SH3GL3: variants seen among roughly 807,000 people sequenced by gnomAD.
SH3GL3 encodes SH3 domain containing GRB2 like 3, endophilin A3, also known as endophilin-A3.
A neutral mutation model predicts 47.7 loss-of-function variants in SH3GL3; 33 were observed. That is an observed-to-expected ratio of 0.69 (90% CI 0.52 to 0.92). The LOEUF is 0.92. Ranked by LOEUF, SH3GL3 falls within the 40% of genes least tolerant of loss-of-function variation. The pLI, the probability that SH3GL3 is intolerant of heterozygous loss-of-function variation, is 0.00. For synonymous variants in SH3GL3, 155 were observed against 148.8 expected (o/e 1.04, Z -0.30); for missense variants, 363 against 417.8 (o/e 0.87, Z 1.14).
intron 1 of SH3GL3, among the ~76,000 whole-genome samples, chr15:83,539,639 G>A (rs2044070838): frequency 6.6e-6 from 1 of 152,016 alleles, no homozygotes; most frequent in Non-Finnish European, 1.5e-5. Context: ...ATTTGAATGT[G>A]ATTCTTTGTC....
chr15:83,611,686 G>A (rs2060670405), intron 8 of SH3GL3: 1 of 152,420 alleles, frequency 6.6e-6, no homozygotes, highest in African/African-American at 2.4e-5. Flanking sequence ...TGTCAACAGG[G>A]ATGGGACGCT....
At chr15:83,474,713 A>G (rs2041014443) in intron 1 of SH3GL3, among the ~76,000 whole-genome samples, 1 of 152,130 alleles carries the variant, frequency 6.6e-6, no homozygotes, top group Non-Finnish European at 1.5e-5. Flanking sequence ...TGTAAACCTT[A>G]TTGGGAGGCA....
intron 1 of SH3GL3, among the ~76,000 whole-genome samples, chr15:83,551,881 T>C (rs777828095): frequency 2.0e-4 from 30 of 152,176 alleles, no homozygotes; most frequent in Non-Finnish European, 3.8e-4. Context: ...TACTGATCTA[T>C]TTGGACTCTC....
At chr15:83,557,621 G>A (rs2045028217) in intron 1 of SH3GL3, among the ~76,000 whole-genome samples, 1 of 152,230 alleles carries the variant, frequency 6.6e-6, no homozygotes, top group South Asian at 2.1e-4. Context: ...GGGTGGCTCT[G>A]ATTCTGGGGA....
intron 8 of SH3GL3, among the ~76,000 whole-genome samples, chr15:83,613,445 G>T (rs2060723722): frequency 6.6e-6 from 1 of 152,204 alleles, no homozygotes; most frequent in Non-Finnish European, 1.5e-5. Context: ...GAGTAATGCA[G>T]CTTTTCCATG....
intron 1 of SH3GL3, among the ~76,000 whole-genome samples, chr15:83,527,337 T>C (rs762510315): frequency 6.6e-6 from 1 of 152,218 alleles, no homozygotes; most frequent in Non-Finnish European, 1.5e-5. Flanking sequence ...TATTATTGTA[T>C]TGGAGTCTAA....
chr15:83,464,871 G>T (rs1189239278), intron 1 of SH3GL3, among the ~76,000 whole-genome samples: 1 of 151,916 alleles, frequency 6.6e-6, no homozygotes, highest in Admixed American at 6.6e-5. Flanking sequence ...TTTAAAAAAT[G>T]TATCTCGGGC....
intron 1 of SH3GL3, among the ~76,000 whole-genome samples, chr15:83,504,647 A>G (rs2042420849): frequency 6.6e-6 from 1 of 152,184 alleles, no homozygotes; most frequent in South Asian, 2.1e-4. Flanking sequence ...GAGGCCTGCC[A>G]ACAACCATGT....
At chr15:83,478,018 C>T (rs1403002712) in intron 1 of SH3GL3, among the ~76,000 whole-genome samples, 1 of 152,046 alleles carries the variant, frequency 6.6e-6, no homozygotes, top group Non-Finnish European at 1.5e-5. Flanking sequence ...TTTGGGGACA[C>T]TTTCAGCAGT....
At chr15:83,467,990 G>A (rs933427983) in intron 1 of SH3GL3, among the ~76,000 whole-genome samples, 1 of 152,048 alleles carries the variant, frequency 6.6e-6, no homozygotes, top group Non-Finnish European at 1.5e-5. Context: ...ACCACGCCCA[G>A]CTAATTTTCT....
At chr15:83,629,447 T>C in the SH3GL3 span, among the ~76,000 whole-genome samples, 1 of 152,188 alleles carries the variant, frequency 6.6e-6, no homozygotes, top group Non-Finnish European at 1.5e-5. Context: ...GGTAATTCAG[T>C]GGGGAAATAA....
At chr15:83,537,128 G>A (rs2043948183) in intron 1 of SH3GL3, among the ~76,000 whole-genome samples, 1 of 152,142 alleles carries the variant, frequency 6.6e-6, no homozygotes, top group Non-Finnish European at 1.5e-5. Context: ...GGGGGACTCA[G>A]GGAGGCTGGA....
intron 1 of SH3GL3, among the ~76,000 whole-genome samples, chr15:83,537,719 A>C (rs2151692872): frequency 6.6e-6 from 1 of 152,158 alleles, no homozygotes; most frequent in East Asian, 1.9e-4. Flanking sequence ...ATCAACTTTT[A>C]TCTTGGGAGC....
At position 83,600,058 on chromosome 15, in the gene SH3GL3, AGTT is replaced by A. The variant is rs1283511075; in HGVS notation, c.838+11291_838+11293del. On this transcript the variant is annotated intron_variant, in intron 8 of 8. Transcript: ENST00000427482. ...GGATTGTTTGTTTTTTTTCTTGCTA[AGTT>A]GTTTGAGTTCCTTGTAGATTCTGGA... 2.6e-5 allele frequency among the ~76,000 whole-genome samples: 4 copies of A among 151,766 alleles called. No homozygotes were observed. The East Asian group carries it at 5.8e-4, about 22-fold the overall frequency.
chr15:83,572,243 C>T (rs953467433), intron 4 of SH3GL3, among the ~76,000 whole-genome samples: 1 of 152,178 alleles, frequency 6.6e-6, no homozygotes, highest in African/African-American at 2.4e-5. Context: ...TCTAAGGAAC[C>T]CTCCGTGCCA....
intron 5 of SH3GL3, among the ~76,000 whole-genome samples, chr15:83,573,305 C>T (rs1192852471): frequency 6.6e-6 from 1 of 152,194 alleles, no homozygotes; most frequent in Non-Finnish European, 1.5e-5. Context: ...GATGTTCCTC[C>T]AGGTGCCTTC....
chr15:83,550,190 T>A (rs951321945), intron 1 of SH3GL3, among the ~76,000 whole-genome samples: 1 of 152,176 alleles, frequency 6.6e-6, no homozygotes, highest in Non-Finnish European at 1.5e-5. Context: ...AGAGCATGAC[T>A]GCCAACTGGT....
At chr15:83,450,804 A>AGT (rs59484427) in intron 1 of SH3GL3, among the ~76,000 whole-genome samples, 1 of 58,790 alleles carries the variant, frequency 1.7e-5, no homozygotes, top group Non-Finnish European at 2.9e-5. Context: ...TTTTTTTTTA[A>AGT]TTTTTTTTTT....
intron 1 of SH3GL3, among the ~76,000 whole-genome samples, chr15:83,514,580 A>G (rs982080460): frequency 3.9e-5 from 6 of 152,206 alleles, no homozygotes; most frequent in African/African-American, 1.2e-4. Context: ...TTATTTCAAA[A>G]TAAGTTTTTT....
Sources: allele counts gnomAD v4.1 joint callset (sites outside exome capture counted in the v4.1 genomes callset), GRCh38; gene constraint gnomAD v4.1.1; transcripts MANE v1.5; gene names NCBI Gene and HGNC (gene_info 2026-07-23, HGNC 2026-07-21).